VIPR1: variants seen among roughly 807,000 people sequenced by gnomAD.
VIPR1 encodes the protein vasoactive intestinal polypeptide receptor 1.
VIPR1 carries 59 observed loss-of-function variants against 58.8 expected under a neutral mutation model. The observed-to-expected ratio is 1.00, with a 90% CI of 0.81 to 1.25. The LOEUF (loss-of-function observed/expected upper bound fraction) is 1.25, where lower values mean the gene tolerates loss of function less well. Ranked by LOEUF, VIPR1 falls within the 50% of genes most tolerant of loss-of-function variation. The pLI is 0.00. For missense variants in VIPR1, 626 were observed against 602.7 expected (o/e 1.04, Z -0.40); for synonymous variants, 251 against 242.1 (o/e 1.04, Z -0.34).
Position 42,531,533 on chromosome 3 carries a change from T to G in VIPR1, c.851+2T>G. ...CAGGATCCATTTTGAGGATTATGGG[T>G]GAGCTGCTGCCCCACACACTCCCCC... On this transcript the variant is annotated splice_donor_variant, in intron 8 of 12. Transcript: ENST00000325123. LOFTEE classifies it high-confidence loss of function. 6.3e-7 allele frequency: 1 copy of G among 1,595,142 alleles called. No homozygotes were observed.
At chr3:42,499,759 C>A (rs549567326), upstream of VIPR1, among the ~76,000 whole-genome samples, 1 of 151,954 alleles carries the variant, frequency 6.6e-6, no homozygotes, top group African/African-American at 2.4e-5. Flanking sequence ...GTCCGTCGGC[C>A]CCCCCTCTGC....
intron 3 of VIPR1, among the ~76,000 whole-genome samples, chr3:42,524,295 G>C (rs1701116003): frequency 6.6e-6 from 1 of 152,228 alleles, no homozygotes. Context: ...ACCTCTGGCT[G>C]CAATGATGGG....
intron 1 of VIPR1, chr3:42,509,277 G>A (rs946195666): frequency 2.0e-5 from 3 of 152,238 alleles, no homozygotes; most frequent in East Asian, 1.9e-4. Flanking sequence ...GGCTCCTCCT[G>A]CCCTAGTTCT....
chr3:42,507,491 C>G (rs1043782597), intron 1 of VIPR1, among the ~76,000 whole-genome samples: 1 of 152,242 alleles, frequency 6.6e-6, no homozygotes, highest in Non-Finnish European at 1.5e-5. Flanking sequence ...CAACCAATCT[C>G]CATGTACTAA....
At chr3:42,496,126 A>G (rs2125624595) in intron 1 of VIPR1, among the ~76,000 whole-genome samples, 1 of 152,176 alleles carries the variant, frequency 6.6e-6, no homozygotes, top group South Asian at 2.1e-4. Context: ...AATCCCAGCT[A>G]CTCGGGAGGC....
chr3:42,514,247 G>A (rs77032910), intron 2 of VIPR1, among the ~76,000 whole-genome samples: 4,685 of 152,084 alleles, frequency 0.031, 164 homozygotes, highest in African/African-American at 0.091. Flanking sequence ...AGGACCCCCT[G>A]GAGCTGGCAT....
chr3:42,517,030 C>G (rs936099478), intron 2 of VIPR1, among the ~76,000 whole-genome samples: 12 of 152,192 alleles, frequency 7.9e-5, no homozygotes, highest in Non-Finnish European at 1.6e-4. Context: ...GACTGACAGC[C>G]AACATGAGGC....
At chr3:42,506,996 A>G (rs2125635411) in intron 1 of VIPR1, 1 of 152,330 alleles carries the variant, frequency 6.6e-6, no homozygotes, top group East Asian at 1.9e-4. Flanking sequence ...AACATCTAAC[A>G]ATTAATATAT....
At chr3:42,519,089 C>T (rs1414107363) in intron 2 of VIPR1, 134 bp from the exon 3 acceptor site, 2 of 662,936 alleles carry the variant, frequency 3.0e-6, no homozygotes, top group East Asian at 6.7e-5. Flanking sequence ...TGTGCCTCCC[C>T]TCTCAGACTG....
chr3:42,512,854 C>T, intron 1 of VIPR1: 3 of 985,456 alleles, frequency 3.0e-6, no homozygotes, highest in Non-Finnish European at 3.6e-6. Context: ...TCCATGGAGG[C>T]CTTCACCCAC....
At position 42,531,495 on chromosome 3, in the gene VIPR1, T is replaced by G. The variant is rs1450952473; in HGVS notation, c.815T>G (p.Val272Gly). Residue 272 changes from valine to glycine, a missense_variant, in exon 8 of 13, where the codon GTG becomes GGG. By Grantham distance (109) the Val-to-Gly change is moderately radical. Transcript: ENST00000325123. ...GGGGTACCCAGCACATTCACCATGG[T>G]GTGGACCATCGCCAGGATCCATTTT... ...GWGVPSTFTM[V>G]WTIARIHFED... The G allele has an allele frequency of 1.9e-6, 3 of 1,591,636 alleles. No homozygotes were observed. The highest frequency in any genetic ancestry group is 2.6e-6 in the Non-Finnish European group (3 of 1,168,070).
At chr3:42,521,890 G>A (rs940779400) in intron 3 of VIPR1, among the ~76,000 whole-genome samples, 9 of 151,066 alleles carry the variant, frequency 6.0e-5, no homozygotes, top group African/African-American at 2.2e-4. Flanking sequence ...TAAGATTGCA[G>A]GCACCAGCCA....
intron 4 of VIPR1, 149 bp downstream of exon 4, chr3:42,526,142 T>A: frequency 1.3e-6 from 1 of 770,212 alleles, no homozygotes; most frequent in Non-Finnish European, 2.1e-6. Flanking sequence ...CAGGCCTGCC[T>A]TTCTGGGGTC....
At chr3:42,525,749 G>C (rs1701196856) in intron 3 of VIPR1, 138 bp from the exon 4 acceptor site, 6 of 858,826 alleles carry the variant, frequency 7.0e-6, no homozygotes, top group Non-Finnish European at 1.0e-5. Context: ...CTGGGTAACT[G>C]GGTCAGGGCA....
intron 3 of VIPR1, 82 bp from the exon 4 acceptor site, chr3:42,525,805 C>T: frequency 7.1e-7 from 1 of 1,400,822 alleles, no homozygotes; most frequent in Non-Finnish European, 9.7e-7. Context: ...GGGCTGAATT[C>T]TCTGCCTTGT....
At chr3:42,494,036 T>A (rs534256909) in intron 1 of VIPR1, among the ~76,000 whole-genome samples, 127 of 152,318 alleles carry the variant, frequency 8.3e-4, no homozygotes, top group African/African-American at 3.0e-3. Context: ...GCCAGCAGCA[T>A]CCTGCCTAAG....
At chr3:42,526,170 CT>C (rs1232397075) in intron 4 of VIPR1, among the ~76,000 whole-genome samples, 177 bp downstream of exon 4, 1 of 152,220 alleles carries the variant, frequency 6.6e-6, no homozygotes, top group African/African-American at 2.4e-5. Context: ...TTGGCTCCCC[CT>C]GACAGGGTAT....
chr3:42,499,888 C>A (rs146648631), upstream of VIPR1, among the ~76,000 whole-genome samples: 809 of 152,320 alleles, frequency 5.3e-3, 7 homozygotes, highest in African/African-American at 0.018. Flanking sequence ...GACCCCCTTC[C>A]CCCCAGTGCT....
At chr3:42,502,523 C>A, upstream of VIPR1, 1 of 362,034 alleles carries the variant, frequency 2.8e-6, no homozygotes, top group Non-Finnish European at 4.9e-6. Context: ...CCCATACCTG[C>A]GCGGCGGCCC....
Sources: allele counts gnomAD v4.1 joint callset (sites outside exome capture counted in the v4.1 genomes callset), GRCh38; gene constraint gnomAD v4.1.1; transcripts MANE v1.5; gene names NCBI Gene and HGNC (gene_info 2026-07-23, HGNC 2026-07-21).